The following HTT variants were observed in gnomAD, a reference collection of about 807,000 sequenced individuals.
The protein encoded by HTT is huntingtin.
In HTT, 104 loss-of-function variants were observed where a neutral mutation model predicts 362.3. The ratio of observed to expected loss-of-function variants is 0.29; its 90% CI spans 0.24 to 0.34. The LOEUF is 0.34. Among genes scored for constraint, HTT ranks in the 10% least tolerant of loss-of-function variants. The pLI, the probability that HTT is intolerant of heterozygous loss-of-function variation, is 1.00. For synonymous variants in HTT, 1,577 were observed against 1,548.7 expected (o/e 1.02, Z -0.43); for missense variants, 3,301 against 3,928.6 (o/e 0.84, Z 4.27).
chr4:3,112,110 T>C (rs1714783864), intron 6 of HTT, among the ~76,000 whole-genome samples: 2 of 152,204 alleles, frequency 1.3e-5, no homozygotes, highest in African/African-American at 4.8e-5. Context: ...TTCGTGTAAA[T>C]ATATGCTTTA....
At chr4:3,174,578 G>A (rs139878605) in intron 31 of HTT, 143 bp from the exon 32 acceptor site, 2 of 622,248 alleles carry the variant, frequency 3.2e-6, no homozygotes, top group East Asian at 2.9e-5. Flanking sequence ...GCCACACTGA[G>A]TGGCCTTTCA....
chr4:3,099,740 T>C (rs1470509739), intron 3 of HTT, among the ~76,000 whole-genome samples: 1 of 150,668 alleles, frequency 6.6e-6, no homozygotes, highest in Non-Finnish European at 1.5e-5. Context: ...GCAGGTGCTC[T>C]ATTGTATGGT....
chr4:3,117,619 T>C (rs994488147), intron 8 of HTT, among the ~76,000 whole-genome samples: 6 of 152,138 alleles, frequency 3.9e-5, no homozygotes, highest in Non-Finnish European at 8.8e-5. Context: ...GGCGGATCAC[T>C]TGAACCTGGG....
At chr4:3,120,398 T>C (rs1379903543) in intron 8 of HTT, among the ~76,000 whole-genome samples, 2 of 152,232 alleles carry the variant, frequency 1.3e-5, no homozygotes, top group Admixed American at 1.3e-4. Flanking sequence ...TTCATTATGT[T>C]CATATAATGT....
chr4:3,175,598 A>G (rs976269667), intron 33 of HTT, among the ~76,000 whole-genome samples: 2 of 152,192 alleles, frequency 1.3e-5, no homozygotes, highest in Admixed American at 6.5e-5. Context: ...CCTGGAGTCC[A>G]TGTGGGAGCT....
Position 3,194,074 on chromosome 4 carries a change from A to G in HTT, c.5368+4981A>G, listed in dbSNP as rs544932764. Among the ~76,000 whole-genome samples the G allele has an allele frequency of 9.2e-5, 14 of 152,328 alleles. No individual in the cohort carries two copies. The South Asian group carries it at 2.5e-3, about 27-fold the overall frequency. On this transcript the variant is annotated intron_variant, in intron 40 of 66. Coordinates refer to ENST00000355072, the MANE Select transcript of HTT (RefSeq NM_001388492.1). ...GAAATAATTCATCTCGTGTTTTTAT[A>G]TAAGTAAGGTGTGTTTAGCATGTAA...
intron 64 of HTT, among the ~76,000 whole-genome samples, chr4:3,237,839 G>A (rs1422396404): frequency 1.3e-5 from 2 of 152,208 alleles, no homozygotes; most frequent in African/African-American, 2.4e-5. Flanking sequence ...GCGTGTTTCA[G>A]GATCTGGTTA....
rs766382837 is a variant in HTT at position 3,074,938 on chromosome 4, A to AGCCGCCACC, written c.120_128dup (p.Pro47_Pro49dup). The AGCCGCCACC allele has an allele frequency of 7.9e-7, 1 of 1,266,788 alleles. No homozygotes were observed. Among genetic ancestry groups the AGCCGCCACC allele is most frequent in the South Asian group, 1.4e-5 (1 of 73,128 alleles). The allele number at this position is 1,266,788 out of a possible 1,614,324, so 78.5% of individuals were successfully genotyped here. A position where few individuals can be genotyped will look rare whatever the true frequency, so the allele number is the denominator to read the frequency against. ...CAGCAGCAGCAGCAGCAGCAGCAACAGCCGCCACCGCCGCCGCCGCCGCCG... is the reference window on the plus strand; with the variant it reads ...CAGCAGCAGCAGCAGCAGCAGCAACAGCCGCCACCGCCGCCACCGCCGCCGCCGCCGCCG... On this transcript the variant is annotated inframe_insertion, in exon 1 of 67. Transcript: ENST00000355072.
intron 26 of HTT, among the ~76,000 whole-genome samples, chr4:3,150,467 G>A (rs189508973): frequency 3.9e-5 from 6 of 152,182 alleles, no homozygotes; most frequent in African/African-American, 9.6e-5. Context: ...CAGCTGCCCC[G>A]TGACACTTAC....
rs1717010296 is a variant in HTT at position 3,153,721 on chromosome 4, A to C, written c.3499-572A>C. Among the ~76,000 whole-genome samples, 3 of 152,198 alleles carry C rather than the reference A, an allele frequency of 2.0e-5. No homozygotes were observed. The South Asian group carries it at 6.2e-4, about 32-fold the overall frequency. On this transcript the variant is annotated intron_variant, in intron 26 of 66. Transcript: ENST00000355072. ...GAGGATCACTGGAGCTTGGAGTTCG[A>C]GACCAGCCTGGGCATCATAGTGTGA... is the stretch of plus-strand genomic sequence containing the variant.
chr4:3,150,107 T>G (rs974987079), intron 26 of HTT, among the ~76,000 whole-genome samples: 1 of 152,198 alleles, frequency 6.6e-6, no homozygotes, highest in Non-Finnish European at 1.5e-5. Context: ...GCACATGCTT[T>G]CTAGGCTCTG....
At chr4:3,207,222 A>G in intron 44 of HTT, 59 bp from the exon 45 acceptor site, 2 of 1,430,538 alleles carry the variant, frequency 1.4e-6, no homozygotes, top group Non-Finnish European at 9.8e-7. Context: ...TTAAATGAGC[A>G]TGAGGTTATT....
chr4:3,179,723 CACTG>C (rs1718415885), intron 35 of HTT, among the ~76,000 whole-genome samples: 1 of 148,250 alleles, frequency 6.7e-6, no homozygotes, highest in Admixed American at 6.7e-5. Context: ...GCATACGTGT[CACTG>C]AGGGGTCAGA....
At chr4:3,133,524 TAAAAAA>T (rs59648129) in intron 18 of HTT, among the ~76,000 whole-genome samples, 3 of 125,492 alleles carry the variant, frequency 2.4e-5, no homozygotes. Flanking sequence ...TCAGTTGAAT[TAAAAAA>T]AAAAAAAAAA....
At chr4:3,222,690 C>T (rs1720737233) in intron 54 of HTT, among the ~76,000 whole-genome samples, 1 of 152,200 alleles carries the variant, frequency 6.6e-6, no homozygotes. Flanking sequence ...TTACCAATGG[C>T]TGGAATGCAT....
rs1578587665 is a variant in HTT, at chr4:3,206,403, C to T, written c.5719-93C>T. Reference sequence around the variant, plus strand: ...GAGGTTTATATTTGGGATGTGTTTTCTCCTTCTTACCCTTTCTGGCCTTTC... The same window carrying T: ...GAGGTTTATATTTGGGATGTGTTTTTTCCTTCTTACCCTTTCTGGCCTTTC... On this transcript the variant is annotated intron_variant, in intron 42 of 66. Coordinates refer to ENST00000355072, the MANE Select transcript of HTT (RefSeq NM_001388492.1). This position sits in a 1 kb window ranked among gnomAD's most constrained non-coding sequence, Gnocchi z 4.6. 2.2e-6 allele frequency: 2 copies of T among 917,248 alleles called. No individual in the cohort carries two copies. Among genetic ancestry groups the T allele is most frequent in the Non-Finnish European group, 3.5e-6 (2 of 577,508 alleles). 56.8% of individuals were successfully genotyped at this position (917,248 alleles called of 1,614,324 possible).
chr4:3,151,735 C>A (rs1188267692), intron 26 of HTT, among the ~76,000 whole-genome samples: 1 of 152,164 alleles, frequency 6.6e-6, no homozygotes, highest in Non-Finnish European at 1.5e-5. Context: ...GAAAAATTGT[C>A]TTCCACAGAA....
chr4:3,234,385 GC>G (rs1301027341), intron 61 of HTT, among the ~76,000 whole-genome samples: 1 of 152,264 alleles, frequency 6.6e-6, no homozygotes, highest in Admixed American at 6.5e-5. Flanking sequence ...CGGACGGCTG[GC>G]AACTGTCTCT....
At position 3,212,612 on chromosome 4, in the gene HTT, C is replaced by G; in HGVS notation, c.6677C>G (p.Ala2226Gly). ...QSLPTLARAL[A>G]QYLVVVSKLP... ...CTGCCCACTCTGGCCCGGGCCCTGG[C>G]ACAGTACCTGGTGGTGGTCTCCAAA... The change falls in exon 49 of 67, where the codon GCA becomes GGA. Residue 2226 changes from alanine to glycine, a missense_variant. By Grantham distance (60) the Ala-to-Gly change is moderately conservative. Transcript: ENST00000355072. The G allele has an allele frequency of 6.2e-7, 1 of 1,614,220 alleles. No homozygotes were observed. Among genetic ancestry groups the G allele is most frequent in the Non-Finnish European group, 8.5e-7 (1 of 1,180,044 alleles).
Sources: allele counts gnomAD v4.1 joint callset (sites outside exome capture counted in the v4.1 genomes callset), GRCh38; gene constraint gnomAD v4.1.1; non-coding constraint Gnocchi (gnomAD v3.1); transcripts MANE v1.5; gene names NCBI Gene and HGNC (gene_info 2026-07-23, HGNC 2026-07-21).